The following TNS3 variants were observed in gnomAD, a reference collection of about 807,000 sequenced individuals.
TNS3 encodes the protein tensin 3, also known as tensin-3.
TNS3 carries 45 observed loss-of-function variants against 140.9 expected under a neutral mutation model. The ratio of observed to expected loss-of-function variants is 0.32; its 90% CI spans 0.25 to 0.41. The LOEUF (loss-of-function observed/expected upper bound fraction) is 0.41. TNS3 is among the 10% of genes least tolerant of loss of function. TNS3 has a pLI of 1.00. For missense variants in TNS3, 1,716 were observed against 1,906.7 expected (o/e 0.90, Z 1.86); for synonymous variants, 815 against 788.4 (o/e 1.03, Z -0.56).
chr7:47,422,977 C>T (rs1204080703), intron 10 of TNS3, among the ~76,000 whole-genome samples: 1 of 152,146 alleles, frequency 6.6e-6, no homozygotes, highest in Non-Finnish European at 1.5e-5. Context: ...TGTTGCTGAC[C>T]ACAGTCCTAC....
intron 1 of TNS3, among the ~76,000 whole-genome samples, chr7:47,544,578 C>T (rs1157881377): frequency 6.6e-6 from 1 of 152,054 alleles, no homozygotes; most frequent in African/African-American, 2.4e-5. Context: ...AGGAGCCAGC[C>T]CTCACCAGAC....
intron 6 of TNS3, among the ~76,000 whole-genome samples, chr7:47,438,626 G>C (rs1007479066): frequency 6.6e-6 from 1 of 152,124 alleles, no homozygotes; most frequent in African/African-American, 2.4e-5. Context: ...AAGGATCGGG[G>C]AGGGGTCAGG....
intron 20 of TNS3, among the ~76,000 whole-genome samples, chr7:47,330,125 C>G (rs920438128): frequency 1.3e-5 from 2 of 152,168 alleles, no homozygotes; most frequent in South Asian, 4.1e-4. Context: ...CTGCTCCCCC[C>G]ACCCAAACAC....
chr7:47,326,585 C>T (rs529214314), intron 20 of TNS3, among the ~76,000 whole-genome samples: 49 of 152,090 alleles, frequency 3.2e-4, no homozygotes, highest in Non-Finnish European at 4.9e-4. Context: ...AGGCTCCCCA[C>T]GGGCCACCAT....
chr7:47,505,019 C>T (rs1033847672), intron 3 of TNS3, among the ~76,000 whole-genome samples: 2 of 152,170 alleles, frequency 1.3e-5, no homozygotes, highest in African/African-American at 2.4e-5. Context: ...CAGCCGGCGA[C>T]AGGCTTCATT....
chr7:47,476,690 C>T (rs1052961839), intron 4 of TNS3, among the ~76,000 whole-genome samples: 3 of 152,194 alleles, frequency 2.0e-5, no homozygotes, highest in Middle Eastern at 3.2e-3. Flanking sequence ...TAATTTCCCA[C>T]GTCGCACATT....
chr7:47,486,462 AT>A (rs1797620227), intron 3 of TNS3, among the ~76,000 whole-genome samples: 1 of 152,086 alleles, frequency 6.6e-6, no homozygotes. Flanking sequence ...CTGCAGTTCC[AT>A]CCCCCAAGGT....
At chr7:47,335,544 G>A (rs1004485427) in intron 20 of TNS3, among the ~76,000 whole-genome samples, 1 of 152,200 alleles carries the variant, frequency 6.6e-6, no homozygotes, top group Admixed American at 6.5e-5. Flanking sequence ...CACATCTCTG[G>A]GAAAAGCAGG....
chr7:47,455,475 G>T (rs1383556801), intron 4 of TNS3, among the ~76,000 whole-genome samples: 4 of 152,052 alleles, frequency 2.6e-5, no homozygotes, highest in Non-Finnish European at 1.5e-5. Flanking sequence ...GATAACCCTG[G>T]AAACAACAAG....
intron 3 of TNS3, among the ~76,000 whole-genome samples, chr7:47,481,485 C>T (rs6977957): frequency 0.068 from 10,414 of 152,198 alleles, 1,126 homozygotes; most frequent in African/African-American, 0.23. Flanking sequence ...GCTTGGGGAG[C>T]TTGGGAGCGG....
intron 4 of TNS3, among the ~76,000 whole-genome samples, chr7:47,460,762 G>A (rs12702340): frequency 0.65 from 99,320 of 152,100 alleles, 32,637 homozygotes; most frequent in Admixed American, 0.72. Flanking sequence ...AGTAAGTCAA[G>A]CTGGTTAATG....
chr7:47,291,615 T>C (rs186414288), intron 27 of TNS3, among the ~76,000 whole-genome samples: 44 of 152,302 alleles, frequency 2.9e-4, no homozygotes, highest in African/African-American at 1.0e-3. Context: ...GTCAAGTGAC[T>C]TGTTGAGTCA....
At chr7:47,299,066 T>G (rs1369997074) in intron 23 of TNS3, among the ~76,000 whole-genome samples, 2 of 152,216 alleles carry the variant, frequency 1.3e-5, no homozygotes, top group African/African-American at 2.4e-5. Flanking sequence ...AACCCTGAAT[T>G]CTGGTGCACG....
chr7:47,492,308 G>A (rs1379841207), intron 3 of TNS3, among the ~76,000 whole-genome samples: 6 of 152,222 alleles, frequency 3.9e-5, no homozygotes, highest in Non-Finnish European at 5.9e-5. Flanking sequence ...TGCCTGGTGC[G>A]CAGGCCTTCA....
intron 1 of TNS3, among the ~76,000 whole-genome samples, chr7:47,536,298 A>G (rs1368012182): frequency 2.8e-5 from 4 of 145,260 alleles, no homozygotes; most frequent in African/African-American, 1.0e-4. Context: ...GGCTGAACCT[A>G]GCGGGGAGCC....
rs1458169167 is a variant in TNS3 at position 47,369,269 on chromosome 7, T to C, written c.1377A>G (p.Pro459=). 17 of 1,614,202 alleles carry C rather than the reference T, an allele frequency of 1.1e-5. No homozygotes were observed. The highest frequency in any genetic ancestry group is 1.4e-5 in the Non-Finnish European group (16 of 1,180,038). The change falls in exon 17 of 31, where the codon CCA becomes CCG. Residue 459 remains proline (P), a synonymous_variant. Transcript: ENST00000311160. The part of the protein sequence containing the change: ...SKYSGTRHVV[P]AQVHVNGDAA... ...CGTCTCCATTCACGTGAACCTGGGC[T>C]GGCACCACGTGGCGGGTCCCACTGT... is the stretch of plus-strand genomic sequence containing the variant.
intron 13 of TNS3, 95 bp from the exon 14 acceptor site, chr7:47,401,009 C>A (rs1038417789): frequency 9.7e-6 from 15 of 1,548,086 alleles, no homozygotes; most frequent in African/African-American, 1.4e-5. Flanking sequence ...CACAGCAGGG[C>A]CTCCCCTCTG....
Position 47,278,232 on chromosome 7 carries a change from A to G in TNS3, c.4194-12T>C, listed in dbSNP as rs1222101712. ...CAAATCCAAAGACTCTGCCAAAGGAAAGTCCAGTCAGAGTGGTCAGTGTCC... is the reference window on the plus strand; with the variant it reads ...CAAATCCAAAGACTCTGCCAAAGGAGAGTCCAGTCAGAGTGGTCAGTGTCC... On this transcript the variant is annotated splice_polypyrimidine_tract_variant and intron_variant, in intron 30 of 30. Transcript: ENST00000311160. 6.2e-7 allele frequency: 1 copy of G among 1,612,366 alleles called. No homozygotes were observed. The highest frequency in any genetic ancestry group is 8.5e-7 in the Non-Finnish European group (1 of 1,179,324).
chr7:47,437,405 T>A, intron 6 of TNS3, 92 bp from the exon 7 acceptor site: 1 of 495,128 alleles, frequency 2.0e-6, no homozygotes, highest in Non-Finnish European at 3.0e-6. Flanking sequence ...TAATTAATAC[T>A]AATTTTTTAA....
Sources: allele counts gnomAD v4.1 joint callset (sites outside exome capture counted in the v4.1 genomes callset), GRCh38; gene constraint gnomAD v4.1.1; transcripts MANE v1.5; gene names NCBI Gene and HGNC (gene_info 2026-07-23, HGNC 2026-07-21).